Variants in RHOBTB1 observed in about 807,000 individuals in gnomAD.
RHOBTB1 encodes rho-related BTB domain-containing protein 1.
RHOBTB1 carries 40 observed loss-of-function variants against 71.6 expected under a neutral mutation model. The observed-to-expected ratio is 0.56, with a 90% CI of 0.43 to 0.73. RHOBTB1 has a LOEUF of 0.73. RHOBTB1 is among the 30% of genes least tolerant of loss of function. RHOBTB1 has a pLI of 0.00. For missense variants in RHOBTB1, 797 were observed against 894.0 expected (o/e 0.89, Z 1.38); for synonymous variants, 319 against 334.9 (o/e 0.95, Z 0.52).
chr10:60,925,539 C>A (rs931234298), intron 2 of RHOBTB1, among the ~76,000 whole-genome samples: 4 of 151,648 alleles, frequency 2.6e-5, no homozygotes, highest in African/African-American at 9.7e-5. Context: ...AAAGCAAGAG[C>A]AAACTAAACC....
At chr10:60,953,371 T>C (rs1010309616) in intron 2 of RHOBTB1, among the ~76,000 whole-genome samples, 4 of 152,202 alleles carry the variant, frequency 2.6e-5, no homozygotes, top group Non-Finnish European at 5.9e-5. Context: ...AAGGCCCGGC[T>C]TCTCTCATGC....
chr10:60,983,028 A>G (rs2086554057), intron 2 of RHOBTB1, among the ~76,000 whole-genome samples: 1 of 152,176 alleles, frequency 6.6e-6, no homozygotes, highest in African/African-American at 2.4e-5. Context: ...TCTGGAAACT[A>G]ATGAAAAAAA....
At chr10:60,996,589 T>C (rs896531520) in intron 1 of RHOBTB1, among the ~76,000 whole-genome samples, 1 of 152,140 alleles carries the variant, frequency 6.6e-6, no homozygotes, top group Non-Finnish European at 1.5e-5. Context: ...GGGATGGTTA[T>C]GCGAGGGCTG....
At chr10:60,884,431 T>C (rs545046536) in intron 7 of RHOBTB1, among the ~76,000 whole-genome samples, 35 of 152,338 alleles carry the variant, frequency 2.3e-4, no homozygotes, top group Non-Finnish European at 2.9e-5. Context: ...TAAAAATACT[T>C]GCAAAACTCC....
Position 60,971,574 on chromosome 10 carries a change from C to T in RHOBTB1, c.-62+14271G>A, listed in dbSNP as rs192686624. 2.2e-3 allele frequency among the ~76,000 whole-genome samples: 339 copies of T among 152,232 alleles called. 2 individuals carry two copies. The highest frequency in any genetic ancestry group is 7.0e-3 in the African/African-American group (291 of 41,564). On this transcript the variant is annotated intron_variant, in intron 2 of 11. Coordinates refer to the RHOBTB1 transcript ENST00000357917. ...ATGGATTAAAGACTTAAACATAAGA[C>T]CTAAAACCATACAAACCCTAGAAGA...
At chr10:60,957,392 A>T (rs2085630846) in intron 2 of RHOBTB1, among the ~76,000 whole-genome samples, 1 of 152,210 alleles carries the variant, frequency 6.6e-6, no homozygotes, top group African/African-American at 2.4e-5. Flanking sequence ...GTCACTAGGC[A>T]ATAAGAATTT....
intron 1 of RHOBTB1, among the ~76,000 whole-genome samples, chr10:60,994,127 T>G (rs1156413603): frequency 6.6e-6 from 1 of 152,148 alleles, no homozygotes; most frequent in African/African-American, 2.4e-5. Context: ...TCCTGATCTT[T>G]ATTAATTCAA....
intron 4 of RHOBTB1, among the ~76,000 whole-genome samples, chr10:60,904,885 C>T (rs74860329): frequency 0.018 from 2,777 of 152,226 alleles, 44 homozygotes; most frequent in African/African-American, 0.044. Flanking sequence ...CTTTTTGTTA[C>T]AGCAGCACAC....
chr10:60,901,512 C>T (rs2082412290), intron 4 of RHOBTB1, among the ~76,000 whole-genome samples: 1 of 152,120 alleles, frequency 6.6e-6, no homozygotes, highest in African/African-American at 2.4e-5. Flanking sequence ...CAGCTGTGTC[C>T]TTTATTGATA....
chr10:60,921,902 A>C (rs1480156704), intron 2 of RHOBTB1, among the ~76,000 whole-genome samples: 1 of 152,202 alleles, frequency 6.6e-6, no homozygotes, highest in Admixed American at 6.5e-5. Context: ...CAGGAAGTGC[A>C]TCAGTAACCA....
chr10:60,966,908 C>A (rs963130956), intron 2 of RHOBTB1, among the ~76,000 whole-genome samples: 2 of 150,286 alleles, frequency 1.3e-5, no homozygotes. Flanking sequence ...TATTAAGAAA[C>A]TTCTATATAG....
chr10:60,991,367 C>T (rs1168051207), intron 1 of RHOBTB1, among the ~76,000 whole-genome samples: 1 of 151,866 alleles, frequency 6.6e-6, no homozygotes, highest in African/African-American at 2.4e-5. Context: ...GACCTGATGA[C>T]ATCCCCAGAC....
intron 2 of RHOBTB1, among the ~76,000 whole-genome samples, chr10:60,968,302 T>TA (rs1284397130): frequency 6.6e-6 from 1 of 152,160 alleles, no homozygotes; most frequent in Non-Finnish European, 1.5e-5. Flanking sequence ...TGGTCAGGTG[T>TA]AGGAGTGTTC....
downstream of RHOBTB1, among the ~76,000 whole-genome samples, chr10:60,867,017 T>C (rs2080637919): frequency 1.3e-5 from 2 of 152,158 alleles, no homozygotes; most frequent in African/African-American, 4.8e-5. Flanking sequence ...TCCATTTCAT[T>C]TGTGTTTCGC....
At chr10:60,924,954 G>A (rs2083781078) in intron 2 of RHOBTB1, among the ~76,000 whole-genome samples, 2 of 152,192 alleles carry the variant, frequency 1.3e-5, no homozygotes, top group African/African-American at 4.8e-5. Context: ...TAGAGTTGGG[G>A]CTTGGTGGCA....
intron 2 of RHOBTB1, among the ~76,000 whole-genome samples, chr10:60,964,754 T>A (rs146709645): frequency 6.6e-6 from 1 of 152,058 alleles, no homozygotes; most frequent in Non-Finnish European, 1.5e-5. Flanking sequence ...GAGAAAAATA[T>A]GCGAAAATTT....
chr10:60,967,503 A>G (rs1235798278), intron 2 of RHOBTB1, among the ~76,000 whole-genome samples: 1 of 152,018 alleles, frequency 6.6e-6, no homozygotes, highest in East Asian at 1.9e-4. Context: ...CCCTCAAAAA[A>G]CAGACCGGCA....
chr10:60,885,434 C>T lies in RHOBTB1; in HGVS notation c.1575+678G>A, dbSNP rs139545541. Among the ~76,000 whole-genome samples the T allele has an allele frequency of 1.3e-4, 20 of 152,300 alleles. No homozygotes were observed. The East Asian group carries it at 1.9e-3, about 15-fold the overall frequency. On this transcript the variant is annotated intron_variant, in intron 7 of 10. Coordinates refer to ENST00000337910, the MANE Select transcript of RHOBTB1 (RefSeq NM_014836.5). ...GGCTGACAAGTGATGTAGCTGCTTC[C>T]GCTAGACCTAAGTACCTTGAGAGGT... is the stretch of plus-strand genomic sequence containing the variant.
chr10:60,952,448 C>A (rs1375824004), intron 2 of RHOBTB1, among the ~76,000 whole-genome samples: 1 of 152,200 alleles, frequency 6.6e-6, no homozygotes, highest in Non-Finnish European at 1.5e-5. Flanking sequence ...CTTTTATACT[C>A]ACTTTCATTA....
Sources: gnomAD v4.1 joint callset for allele counts (sites outside exome capture counted in the v4.1 genomes callset) on GRCh38, gnomAD v4.1.1 for gene constraint, MANE v1.5 for transcripts, NCBI Gene and HGNC (gene_info 2026-07-23, HGNC 2026-07-21) for gene names.